Variants in USP32 observed in about 807,000 individuals in gnomAD.
USP32 encodes the protein ubiquitin specific peptidase 32.
In USP32, 59 loss-of-function variants were observed where a neutral mutation model predicts 204.8. The ratio of observed to expected loss-of-function variants is 0.29; its 90% confidence interval spans 0.23 to 0.36. The LOEUF (loss-of-function observed/expected upper bound fraction) is 0.36. USP32 is among the 10% of genes least tolerant of loss of function. The pLI is 1.00. For missense variants in USP32, 1,160 were observed against 1,946.4 expected (o/e 0.60, Z 7.60); for synonymous variants, 517 against 678.4 (o/e 0.76, Z 3.70).
intron 1 of USP32, among the ~76,000 whole-genome samples, chr17:60,408,938 A>C (rs2089998299): frequency 6.6e-6 from 1 of 152,210 alleles, no homozygotes; most frequent in Non-Finnish European, 1.5e-5. Context: ...ACCTCATTGC[A>C]AGATCCAATC....
intron 10 of USP32, 62 bp from the exon 11 acceptor site, chr17:60,252,504 G>C (rs1343942227): frequency 2.4e-6 from 3 of 1,253,672 alleles, no homozygotes; most frequent in Non-Finnish European, 3.4e-6. Context: ...TTATCTGCAT[G>C]AGACCCATTT....
intron 1 of USP32, among the ~76,000 whole-genome samples, chr17:60,353,246 G>C (rs1350757760): frequency 2.0e-5 from 3 of 152,120 alleles, no homozygotes; most frequent in African/African-American, 7.2e-5. Flanking sequence ...TGGATGCAAC[G>C]AGCAGGAAAG....
intron 1 of USP32, chr17:60,421,299 T>C: frequency 1.1e-6 from 1 of 895,812 alleles, no homozygotes; most frequent in Non-Finnish European, 1.3e-6. Context: ...CATGCTGGCA[T>C]AGAGGACAAG....
intron 11 of USP32, among the ~76,000 whole-genome samples, chr17:60,247,549 G>A (rs935065066): frequency 2.6e-5 from 4 of 152,130 alleles, no homozygotes; most frequent in Non-Finnish European, 5.9e-5. Flanking sequence ...TCTTCTGCAC[G>A]TGGATATCCA....
At chr17:60,395,062 C>T (rs2146153358), upstream of USP32, among the ~76,000 whole-genome samples, 1 of 152,200 alleles carries the variant, frequency 6.6e-6, no homozygotes, top group Non-Finnish European at 1.5e-5. Flanking sequence ...GTAATTTTAA[C>T]AATGGTATTT....
intron 17 of USP32, among the ~76,000 whole-genome samples, 176 bp downstream of exon 17, chr17:60,214,444 T>C (rs965087263): frequency 6.6e-6 from 1 of 151,442 alleles, no homozygotes; most frequent in Non-Finnish European, 1.5e-5. Flanking sequence ...ATAATTATTA[T>C]AGGTAAAATC....
upstream of USP32, chr17:60,392,534 C>A (rs1487361792): frequency 7.9e-6 from 3 of 378,812 alleles, no homozygotes; most frequent in African/African-American, 4.4e-5. Context: ...GGGGTCCGAG[C>A]AGCTGACGGT....
At chr17:60,357,137 C>T (rs1341830271) in intron 1 of USP32, among the ~76,000 whole-genome samples, 1 of 151,934 alleles carries the variant, frequency 6.6e-6, no homozygotes, top group Non-Finnish European at 1.5e-5. Context: ...TTTGATTATC[C>T]AGTCTGAGGA....
Position 60,192,942 on chromosome 17 carries a change from G to A in USP32, c.3435-12C>T. The A allele has an allele frequency of 4.3e-6, 7 of 1,612,978 alleles. No homozygotes were observed. Among genetic ancestry groups the A allele is most frequent in the Non-Finnish European group, 5.9e-6 (7 of 1,179,196 alleles). ...CCATACTGTCGTCACTGAAACAGAAGAGAACAAAAAGAGTGTAAGAAGCAT... is the reference window on the plus strand; with the variant it reads ...CCATACTGTCGTCACTGAAACAGAAAAGAACAAAAAGAGTGTAAGAAGCAT... On this transcript the variant is annotated splice_polypyrimidine_tract_variant and intron_variant, in intron 27 of 33. Coordinates refer to ENST00000300896, the MANE Select transcript of USP32 (RefSeq NM_032582.4).
chr17:60,421,773 C>A (rs1368865415), intron 1 of USP32: 1 of 905,564 alleles, frequency 1.1e-6, no homozygotes. Context: ...GGCCTCGGGT[C>A]CCTGGAGGGC....
In USP32 at chr17:60,201,086, G is replaced by A. The variant is rs138440633; in HGVS notation, c.3250-2642C>T. Reference sequence around the variant, plus strand: ...TTGCCCAGGCTGGTCTTAAACTCCTGGGCTCAAGCAATCGGCCCACCTCAG... The same window carrying A: ...TTGCCCAGGCTGGTCTTAAACTCCTAGGCTCAAGCAATCGGCCCACCTCAG... On this transcript the variant is annotated intron_variant, in intron 26 of 33. Coordinates refer to ENST00000300896, the MANE Select transcript of USP32 (RefSeq NM_032582.4). Among the ~76,000 whole-genome samples the A allele has an allele frequency of 1.2e-4, 19 of 152,184 alleles. No homozygotes were observed. The East Asian group carries it at 3.7e-3, about 29-fold the overall frequency.
Position 60,346,926 on chromosome 17 carries a change from C to T in USP32, c.59-1318G>A, listed in dbSNP as rs148561314. On this transcript the variant is annotated intron_variant, in intron 1 of 33. Transcript: ENST00000300896. ...GCAAACGATAAACCTAGAGAGGCAG[C>T]AAGACCAAGTCACAGAGACTCTGTC... 3.3e-5 allele frequency among the ~76,000 whole-genome samples: 5 copies of T among 152,292 alleles called. No individual in the cohort carries two copies. The East Asian group carries it at 9.6e-4, about 29-fold the overall frequency.
intron 28 of USP32, among the ~76,000 whole-genome samples, chr17:60,191,245 T>G (rs1444021348): frequency 6.6e-6 from 1 of 151,386 alleles, no homozygotes; most frequent in Non-Finnish European, 1.5e-5. Context: ...CTACTAAAAC[T>G]ACAAAAATTA....
intron 16 of USP32, 180 bp downstream of exon 16, chr17:60,219,490 A>G: frequency 1.2e-6 from 1 of 809,368 alleles, no homozygotes; most frequent in Non-Finnish European, 1.8e-6. Context: ...TTAATTACTG[A>G]GTCTGTAGGA....
chr17:60,226,027 G>C lies in USP32; in HGVS notation c.1432+12C>G, dbSNP rs2085378276. On this transcript the variant is annotated intron_variant, in intron 13 of 33. Transcript: ENST00000300896. ...TAAACCAATAAACCTCAGGGGAATA[G>C]GTCATATTTACCGCTGCCAGCAGTT... The C allele has an allele frequency of 6.3e-7, 1 of 1,591,352 alleles. No individual in the cohort carries two copies. Among genetic ancestry groups the C allele is most frequent in the Non-Finnish European group, 8.5e-7 (1 of 1,172,484 alleles).
At chr17:60,244,632 AT>A (rs2085966019) in intron 11 of USP32, among the ~76,000 whole-genome samples, 1 of 151,902 alleles carries the variant, frequency 6.6e-6, no homozygotes, top group Non-Finnish European at 1.5e-5. Flanking sequence ...TTTATTGTTT[AT>A]TTTACTTTAT....
At position 60,187,526 on chromosome 17, in the gene USP32, G is replaced by C. The variant is rs1272903674; in HGVS notation, c.3643-1875C>G. On this transcript the variant is annotated intron_variant, in intron 29 of 33. Transcript: ENST00000300896. ...TAGAAAAAGGGGTGTATCATATACG[G>C]TAGTGTTTCCTTTCTCATAGCCAGT... 2.0e-5 allele frequency among the ~76,000 whole-genome samples: 3 copies of C among 152,280 alleles called. No individual in the cohort carries two copies. In the East Asian group the frequency reaches 5.8e-4, roughly 29 times the overall value.
chr17:60,349,620 T>A (rs1287339471), intron 1 of USP32, among the ~76,000 whole-genome samples: 2,002 of 71,662 alleles, frequency 0.028, 45 homozygotes, highest in Non-Finnish European at 0.035. Flanking sequence ...TATATATATA[T>A]ATATTATATA....
chr17:60,335,402 T>C (rs1437100518), intron 2 of USP32, among the ~76,000 whole-genome samples: 2 of 142,856 alleles, frequency 1.4e-5, no homozygotes, highest in Non-Finnish European at 3.0e-5. Context: ...TAACAAAGAC[T>C]TCCACAAAGT....
Sources: allele counts gnomAD v4.1 joint callset (sites outside exome capture counted in the v4.1 genomes callset), GRCh38; gene constraint gnomAD v4.1.1; transcripts MANE v1.5; gene names NCBI Gene and HGNC (gene_info 2026-07-23, HGNC 2026-07-21).